The following UNC13C variants were observed in gnomAD, a reference collection of about 807,000 sequenced individuals.
UNC13C encodes protein unc-13 homolog C.
In UNC13C, 174 loss-of-function variants were observed where a neutral mutation model predicts 245.4. That is an observed-to-expected ratio of 0.71 (90% CI 0.63 to 0.80). The LOEUF is 0.80. Ranked by LOEUF, UNC13C falls within the 30% of genes least tolerant of loss-of-function variation. UNC13C has a pLI of 0.00. For missense variants in UNC13C, 2,829 were observed against 2,602.9 expected, an observed-to-expected ratio of 1.09 and a Z score of -1.89; for synonymous variants, 992 against 895.1, an observed-to-expected ratio of 1.11 and a Z score of -1.93.
At chr15:54,375,095 G>C (rs76629088) in intron 17 of UNC13C, among the ~76,000 whole-genome samples, 1,775 of 152,262 alleles carry the variant, frequency 0.012, 31 homozygotes, top group Non-Finnish European at 0.011. Flanking sequence ...ATAAATGCAA[G>C]AATTTCTGTA....
At chr15:54,580,264 T>A (rs1898142214) in intron 30 of UNC13C, among the ~76,000 whole-genome samples, 3 of 152,190 alleles carry the variant, frequency 2.0e-5, no homozygotes, top group Admixed American at 1.3e-4. Context: ...AGATGGGACA[T>A]TTTCTCCTAC....
chr15:54,473,685 T>A (rs1416102964), intron 19 of UNC13C, among the ~76,000 whole-genome samples: 1 of 152,014 alleles, frequency 6.6e-6, no homozygotes, highest in African/African-American at 2.4e-5. Flanking sequence ...TACAGCTCAA[T>A]AGTATTCCAT....
chr15:54,422,527 C>A (rs1596353206), intron 19 of UNC13C, among the ~76,000 whole-genome samples: 3 of 152,076 alleles, frequency 2.0e-5, no homozygotes, highest in African/African-American at 7.2e-5. Flanking sequence ...CTGGGCTCTA[C>A]CCATCTTTCC....
intron 8 of UNC13C, among the ~76,000 whole-genome samples, chr15:54,261,493 C>A (rs2036422767): frequency 6.6e-6 from 1 of 151,996 alleles, no homozygotes; most frequent in Non-Finnish European, 1.5e-5. Flanking sequence ...TTCTTCTGAT[C>A]AAAAATGCAA....
intron 11 of UNC13C, among the ~76,000 whole-genome samples, 161 bp from the exon 12 acceptor site, chr15:54,297,650 G>T (rs553956300): frequency 5.0e-4 from 76 of 152,278 alleles, no homozygotes; most frequent in African/African-American, 1.8e-3. Context: ...TACCACATAT[G>T]GCCTCATCAT....
chr15:54,393,983 A>T (rs1450144438), intron 18 of UNC13C, among the ~76,000 whole-genome samples: 2 of 151,924 alleles, frequency 1.3e-5, no homozygotes, highest in Non-Finnish European at 2.9e-5. Context: ...GATTGTCTTG[A>T]CAATATTAGT....
intron 2 of UNC13C, among the ~76,000 whole-genome samples, chr15:54,027,728 A>G (rs948133148): frequency 2.0e-5 from 3 of 151,774 alleles, no homozygotes; most frequent in African/African-American, 7.3e-5. Flanking sequence ...TGCTTAAGAC[A>G]GGGTTGTCCT....
the UNC13C span, among the ~76,000 whole-genome samples, chr15:53,946,466 T>TA: frequency 7.7e-6 from 1 of 129,870 alleles, no homozygotes; most frequent in African/African-American, 2.7e-5. Flanking sequence ...TTTTTTTTTT[T>TA]AAACGGAGTC....
At chr15:53,876,227 T>A in the UNC13C span, among the ~76,000 whole-genome samples, 1 of 152,220 alleles carries the variant, frequency 6.6e-6, no homozygotes, top group East Asian at 1.9e-4. Context: ...CTAAACGAAC[T>A]CATCAATTCA....
chr15:54,617,350 GAAA>G (rs1284192682), intron 30 of UNC13C, among the ~76,000 whole-genome samples: 1 of 151,942 alleles, frequency 6.6e-6, no homozygotes, highest in Non-Finnish European at 1.5e-5. Flanking sequence ...ATGTAAAAAA[GAAA>G]AAAGTGGAGG....
intron 19 of UNC13C, among the ~76,000 whole-genome samples, chr15:54,424,231 T>A (rs2140964784): frequency 6.6e-6 from 1 of 152,018 alleles, no homozygotes; most frequent in Admixed American, 6.6e-5. Context: ...TGACTATTTT[T>A]GTAATATTTC....
the UNC13C span, among the ~76,000 whole-genome samples, chr15:53,966,909 T>G: frequency 3.3e-5 from 5 of 152,100 alleles, no homozygotes; most frequent in Non-Finnish European, 5.9e-5. Flanking sequence ...CATTTTATCT[T>G]GAATTCTTTT....
the UNC13C span, among the ~76,000 whole-genome samples, chr15:53,967,594 G>C: frequency 6.6e-6 from 1 of 151,980 alleles, no homozygotes; most frequent in Non-Finnish European, 1.5e-5. Context: ...ACTTTTATTT[G>C]TTATCTGGAT....
Position 54,130,308 on chromosome 15 carries a change from T to TTTG in UNC13C, c.2984-12710_2984-12709insTTG, listed in dbSNP as rs67637704. ...ATTAATTTTTTTTTTTTTTTTTTTT[T>TTTG]GTGAGACGGAGTCTCAGTCTGTCTC... is the stretch of plus-strand genomic sequence containing the variant. On this transcript the variant is annotated intron_variant, in intron 2 of 32. Transcript: ENST00000260323. 1.4e-4 allele frequency among the ~76,000 whole-genome samples: 17 copies of TTTG among 119,522 alleles called. 3 individuals are homozygous for TTTG. The highest frequency in any genetic ancestry group is 2.9e-4 in the Admixed American group (3 of 10,490). The allele number at this position is 119,522 out of a possible 152,430, so 78.4% of individuals were successfully genotyped here.
At chr15:54,160,545 T>G (rs1036169690) in intron 4 of UNC13C, among the ~76,000 whole-genome samples, 1 of 152,008 alleles carries the variant, frequency 6.6e-6, no homozygotes, top group African/African-American at 2.4e-5. Flanking sequence ...AAACTCTTTT[T>G]TGATTTAGAA....
intron 2 of UNC13C, among the ~76,000 whole-genome samples, chr15:54,115,323 T>C (rs1394531494): frequency 6.6e-6 from 1 of 152,126 alleles, no homozygotes; most frequent in Admixed American, 6.5e-5. Flanking sequence ...TTTTAAATTC[T>C]TTTTTCCATA....
At chr15:54,337,481 C>G (rs573344412) in intron 16 of UNC13C, among the ~76,000 whole-genome samples, 137 of 152,268 alleles carry the variant, frequency 9.0e-4, no homozygotes, top group African/African-American at 3.2e-3. Flanking sequence ...AGTCACCTCC[C>G]TTATGGCAGT....
chr15:53,846,458 T>C, the UNC13C span, among the ~76,000 whole-genome samples: 1 of 152,228 alleles, frequency 6.6e-6, no homozygotes, highest in Non-Finnish European at 1.5e-5. Flanking sequence ...AACTTGGGTT[T>C]GAATTTGTGC....
intron 17 of UNC13C, among the ~76,000 whole-genome samples, chr15:54,376,203 T>C (rs980306887): frequency 4.6e-5 from 7 of 152,092 alleles, no homozygotes; most frequent in African/African-American, 1.7e-4. Context: ...AATTCAAGGA[T>C]TGAATAGAAG....
Sources: gnomAD v4.1 joint callset for allele counts (sites outside exome capture counted in the v4.1 genomes callset) on GRCh38, gnomAD v4.1.1 for gene constraint, MANE v1.5 for transcripts, NCBI Gene and HGNC (gene_info 2026-07-23, HGNC 2026-07-21) for gene names.